G6PC2: variants seen among roughly 807,000 people sequenced by gnomAD.
G6PC2 encodes the protein glucose-6-phosphatase catalytic subunit 2.
G6PC2 carries 41 observed loss-of-function variants against 35.4 expected under a neutral mutation model. The observed-to-expected ratio is 1.16, with a 90% CI of 0.90 to 1.50. G6PC2 has a LOEUF of 1.50. Among genes scored for constraint, G6PC2 ranks in the 40% most tolerant of loss-of-function variants. The pLI is 0.00. For missense variants in G6PC2, 441 were observed against 426.5 expected (o/e 1.03, Z -0.30); for synonymous variants, 165 against 153.2 (o/e 1.08, Z -0.57).
intron 4 of G6PC2, 102 bp from the exon 5 acceptor site, chr2:168,907,466 T>C (rs756280076): frequency 1.3e-4 from 158 of 1,176,856 alleles, no homozygotes; most frequent in Admixed American, 3.0e-4. Flanking sequence ...TCTAATGCCC[T>C]TTGTCATTGA....
At chr2:168,905,962 T>G (rs1180515306) in intron 3 of G6PC2, among the ~76,000 whole-genome samples, 1 of 151,592 alleles carries the variant, frequency 6.6e-6, no homozygotes, top group Non-Finnish European at 1.5e-5. Flanking sequence ...TTTTTTTCAA[T>G]GACATGCATT....
Position 168,907,861 on chromosome 2 carries a change from G to C in G6PC2, c.850G>C (p.Gly284Arg). The change falls in exon 5 of 5, where the codon GGG (glycine) becomes CGG (arginine). Residue 284 changes from glycine (G) to arginine (R), a missense_variant. Gly to Arg is a moderately radical substitution (Grantham distance 125). Coordinates refer to ENST00000375363, the MANE Select transcript of G6PC2 (RefSeq NM_021176.3). ...NSEMFLLSCR[G>R]GNNYTLSFRL... Reference sequence around the variant, plus strand: ...AGAGATGTTCCTCCTGAGCTGCCGAGGGGGAAATAACTACACACTGAGCTT... The same window carrying C: ...AGAGATGTTCCTCCTGAGCTGCCGACGGGGAAATAACTACACACTGAGCTT... 1.9e-6 allele frequency: 3 copies of C among 1,613,976 alleles called. No homozygotes were observed. Among genetic ancestry groups the C allele is most frequent in the Non-Finnish European group, 2.5e-6 (3 of 1,179,876 alleles).
At position 168,901,511 on chromosome 2, in the gene G6PC2, A is replaced by G. The variant is rs747024214; in HGVS notation, c.180A>G (p.Val60=). 2 of 1,581,126 alleles carry G rather than the reference A, an allele frequency of 1.3e-6. No individual in the cohort carries two copies. Among genetic ancestry groups the G allele is most frequent in the Non-Finnish European group, 1.7e-6 (2 of 1,150,160 alleles). Residue 60 remains valine, a synonymous_variant, in exon 1 of 5, where the codon GTA becomes GTG. Coordinates refer to ENST00000375363, the MANE Select transcript of G6PC2 (RefSeq NM_021176.3). The part of the protein sequence containing the change: ...NQTVGTKMIW[V]AVIGDWLNLI... The stretch of plus-strand genomic sequence containing the variant: ...CAGTTGGAACCAAGATGATATGGGT[A>G]GCAGTCATTGGGGATTGGTTAAATC...
Position 168,901,568 on chromosome 2 carries a change from T to G in G6PC2, c.218+19T>G, listed in dbSNP as rs1227555739. On this transcript the variant is annotated intron_variant, in intron 1 of 4. Transcript: ENST00000375363. ...TTAAATGGTAAGATTTCTGTTTTAT[T>G]TCATTTTTTCCTAAGATTTATCCTT... The G allele has an allele frequency of 3.3e-6, 4 of 1,224,342 alleles. No homozygotes were observed. Among genetic ancestry groups the G allele is most frequent in the Non-Finnish European group, 4.8e-6 (4 of 830,142 alleles). The allele number at this position is 1,224,342 out of a possible 1,614,324, so 75.8% of individuals were successfully genotyped here. A position where few individuals can be genotyped will look rare whatever the true frequency, so the allele number is the denominator to read the frequency against.
chr2:168,908,594 G>GA lies in G6PC2; in HGVS notation c.*515_*516insA. 1 of 195,046 alleles carries GA rather than the reference G, an allele frequency of 5.1e-6. No individual in the cohort carries two copies. Among genetic ancestry groups the GA allele is most frequent in the African/African-American group, 2.4e-5 (1 of 42,230 alleles). 12.1% of individuals were successfully genotyped at this position (195,046 alleles called of 1,614,324 possible). On this transcript the variant is annotated 3_prime_UTR_variant, in exon 5 of 5. Transcript: ENST00000375363. Reference sequence around the variant, plus strand: ...ATTTAGGTAAAAGAACTTGCCTGGAGTCACGCCACCTTCAGAGCAGGAATT... The same window carrying GA: ...ATTTAGGTAAAAGAACTTGCCTGGAGATCACGCCACCTTCAGAGCAGGAATT...
rs200692639 is a variant in G6PC2, at chr2:168,903,627, A to AAAAG, written c.329-868_329-865dup. Among the ~76,000 whole-genome samples, 699 of 152,228 alleles carry AAAAG rather than the reference A, an allele frequency of 4.6e-3. 5 individuals are homozygous for AAAAG. The highest frequency in any genetic ancestry group is 0.016 in the African/African-American group (669 of 41,544). On this transcript the variant is annotated intron_variant, in intron 2 of 4. Coordinates refer to ENST00000375363, the MANE Select transcript of G6PC2 (RefSeq NM_021176.3). Reference sequence around the variant, plus strand: ...ACATTTTCTGGAAAGAGAGAGAGAGAAAAGAAAGAAAGACTGCATCTCTCG... The same window carrying AAAAG: ...ACATTTTCTGGAAAGAGAGAGAGAGAAAAGAAAGAAAGAAAGACTGCATCTCTCG...
chr2:168,904,959 A>T (rs1224840288), intron 3 of G6PC2, among the ~76,000 whole-genome samples: 1 of 152,222 alleles, frequency 6.6e-6, no homozygotes, highest in Non-Finnish European at 1.5e-5. Flanking sequence ...TTGCATGCAC[A>T]TTCCCTTGCT....
At chr2:168,904,358 C>A in intron 2 of G6PC2, 147 bp from the exon 3 acceptor site, 1 of 716,992 alleles carries the variant, frequency 1.4e-6, no homozygotes, top group Non-Finnish European at 2.6e-6. Context: ...CTTATTTCTA[C>A]CCACTTCTAA....
Position 168,907,812 on chromosome 2 carries a change from T to C in G6PC2, c.801T>C (p.Phe267=), listed in dbSNP as rs1690748517. The change falls in exon 5 of 5, where the codon TTT becomes TTC. Residue 267 remains phenylalanine (F), a synonymous_variant. Transcript: ENST00000375363. ...TCGTGAGAAACCTTGGGGTCCTCTT[T>C]GGCTTGGGCTTTGCAATCAACTCAG... ...AGLVRNLGVL[F]GLGFAINSEM... The C allele has an allele frequency of 6.2e-7, 1 of 1,614,040 alleles. No homozygotes were observed. The highest frequency in any genetic ancestry group is 1.7e-5 in the Admixed American group (1 of 60,012).
Position 168,909,760 on chromosome 2 carries a change from T to G in G6PC2, c.*1681T>G, listed in dbSNP as rs189504988. Reference sequence around the variant, plus strand: ...CTTCTCAGAATATCAATACATTAATTATTTTAGATGACATATTAAATAATC... The same window carrying G: ...CTTCTCAGAATATCAATACATTAATGATTTTAGATGACATATTAAATAATC... On this transcript the variant is annotated 3_prime_UTR_variant, in exon 5 of 5. Coordinates refer to ENST00000375363, the MANE Select transcript of G6PC2 (RefSeq NM_021176.3). 8 of 152,348 alleles carry G rather than the reference T, an allele frequency of 5.3e-5. No individual in the cohort carries two copies. The East Asian group carries it at 1.3e-3, about 26-fold the overall frequency. The allele number at this position is 152,348 out of a possible 1,614,324, so 9.4% of individuals were successfully genotyped here. A position where few individuals can be genotyped will look rare whatever the true frequency, so the allele number is the denominator to read the frequency against.
rs773192417 is a variant in G6PC2, at chr2:168,908,599, G to A, written c.*520G>A. ...GGTAAAAGAACTTGCCTGGAGTCACGCCACCTTCAGAGCAGGAATTAGAAC... is the reference window on the plus strand; with the variant it reads ...GGTAAAAGAACTTGCCTGGAGTCACACCACCTTCAGAGCAGGAATTAGAAC... On this transcript the variant is annotated 3_prime_UTR_variant, in exon 5 of 5. Transcript: ENST00000375363. 3.2e-4 allele frequency: 61 copies of A among 191,306 alleles called. No individual in the cohort carries two copies. Among genetic ancestry groups the A allele is most frequent in the Non-Finnish European group, 5.7e-4 (52 of 91,336 alleles). 11.9% of individuals were successfully genotyped at this position (191,306 alleles called of 1,614,324 possible).
At chr2:168,906,623 T>G in intron 3 of G6PC2, 41 bp from the exon 4 acceptor site, 1 of 965,680 alleles carries the variant, frequency 1.0e-6, no homozygotes, top group Non-Finnish European at 1.7e-6. Context: ...AGTGATCCAG[T>G]TTCTTTGCTT....
chr2:168,906,859 G>T, intron 4 of G6PC2, 80 bp downstream of exon 4: 1 of 819,032 alleles, frequency 1.2e-6, no homozygotes. Context: ...GATTGTCCCC[G>T]GTAATCAACT....
rs1559164363 is a variant in G6PC2, at chr2:168,904,572, C to T, written c.396C>T (p.Ser132=). 6.2e-7 allele frequency: 1 copy of T among 1,611,944 alleles called. No homozygotes were observed. The highest frequency in any genetic ancestry group is 8.5e-7 in the Non-Finnish European group (1 of 1,178,010). ...VWYVMVTAAL[S]HTVCGMDKFS... is the part of the protein sequence containing the mutation. ...ATGTCATGGTAACCGCTGCCCTGAG[C>T]CACACTGTCTGTGGGATGGATAAGT... is the stretch of plus-strand genomic sequence containing the variant. The change falls in exon 3 of 5, where the codon AGC becomes AGT. Residue 132 remains serine (S), a synonymous_variant. Coordinates refer to ENST00000375363, the MANE Select transcript of G6PC2 (RefSeq NM_021176.3).
At chr2:168,906,606 A>C in intron 3 of G6PC2, 58 bp from the exon 4 acceptor site, 1 of 832,360 alleles carries the variant, frequency 1.2e-6, no homozygotes, top group Non-Finnish European at 2.1e-6. Context: ...CACCCCCTCT[A>C]ATTTTGAGTG....
At chr2:168,905,286 G>A (rs1690684913) in intron 3 of G6PC2, among the ~76,000 whole-genome samples, 1 of 152,084 alleles carries the variant, frequency 6.6e-6, no homozygotes, top group African/African-American at 2.4e-5. Flanking sequence ...AAACAATCCT[G>A]AGTACCAATT....
At position 168,909,345 on chromosome 2, in the gene G6PC2, C is replaced by T. The variant is rs1181754548; in HGVS notation, c.*1266C>T. On this transcript the variant is annotated 3_prime_UTR_variant, in exon 5 of 5. Transcript: ENST00000375363. ...TTCTACTGAACTTACTCTAATAGAA[C>T]ATTATTCAACCCCCAAAGACTTATC... 1.3e-5 allele frequency: 2 copies of T among 152,312 alleles called. No homozygotes were observed. The highest frequency in any genetic ancestry group is 3.4e-3 in the Middle Eastern group (1 of 294). The allele number at this position is 152,312 out of a possible 1,614,324, so 9.4% of individuals were successfully genotyped here.
intron 4 of G6PC2, among the ~76,000 whole-genome samples, chr2:168,907,315 T>C (rs1279267197): frequency 6.6e-6 from 1 of 152,186 alleles, no homozygotes; most frequent in African/African-American, 2.4e-5. Context: ...GTGCTCTGTC[T>C]AAAAAGCGGG....
chr2:168,902,687 T>C (rs1690626078), intron 2 of G6PC2, 133 bp downstream of exon 2: 1 of 676,342 alleles, frequency 1.5e-6, no homozygotes, highest in South Asian at 1.6e-5. Flanking sequence ...TAAAACTTCA[T>C]AACAATCAAA....
Sources: gnomAD v4.1 joint callset for allele counts (sites outside exome capture counted in the v4.1 genomes callset) on GRCh38, gnomAD v4.1.1 for gene constraint, MANE v1.5 for transcripts, NCBI Gene and HGNC (gene_info 2026-07-23, HGNC 2026-07-21) for gene names.